Variants in KHDRBS3 observed in about 807,000 individuals in gnomAD.
The protein encoded by KHDRBS3 is KH domain-containing, RNA-binding, signal transduction-associated protein 3.
KHDRBS3 carries 23 observed loss-of-function variants against 45.6 expected under a neutral mutation model. That is an observed-to-expected ratio of 0.50 (90% CI 0.36 to 0.72). The LOEUF (loss-of-function observed/expected upper bound fraction) is 0.72. KHDRBS3 is among the 30% of genes least tolerant of loss of function. The pLI, the probability that KHDRBS3 is intolerant of heterozygous loss-of-function variation, is 0.00. For synonymous variants in KHDRBS3, 162 were observed against 156.5 expected, an observed-to-expected ratio of 1.04 and a Z score of -0.26; for missense variants, 352 against 424.8, an observed-to-expected ratio of 0.83 and a Z score of 1.51.
At chr8:135,526,476 C>A (rs1825193431) in intron 2 of KHDRBS3, among the ~76,000 whole-genome samples, 1 of 152,088 alleles carries the variant, frequency 6.6e-6, no homozygotes, top group African/African-American at 2.4e-5. Context: ...TTCTGCTTAG[C>A]ATAATGGAGC....
At chr8:135,502,267 A>C (rs367924486) in intron 1 of KHDRBS3, among the ~76,000 whole-genome samples, 5 of 152,076 alleles carry the variant, frequency 3.3e-5, no homozygotes, top group Non-Finnish European at 7.3e-5. Context: ...CAATCTGTCT[A>C]CCTTTTCACT....
intron 4 of KHDRBS3, among the ~76,000 whole-genome samples, chr8:135,551,348 G>A (rs1340291818): frequency 1.3e-5 from 2 of 152,076 alleles, no homozygotes; most frequent in East Asian, 3.9e-4. Context: ...GGAGGGGAAA[G>A]CATTCAGTCT....
intron 1 of KHDRBS3, among the ~76,000 whole-genome samples, chr8:135,492,099 A>G (rs906761815): frequency 1.2e-4 from 19 of 152,216 alleles, no homozygotes; most frequent in African/African-American, 3.9e-4. Context: ...ATACCATAGT[A>G]CTAGATAGTT....
chr8:135,506,522 G>A (rs1824003687), intron 1 of KHDRBS3, among the ~76,000 whole-genome samples: 1 of 151,356 alleles, frequency 6.6e-6, no homozygotes, highest in Non-Finnish European at 1.5e-5. Context: ...TCCTGCCTCA[G>A]CCGCCCAAGT....
Position 135,645,089 on chromosome 8 carries a change from A to G in KHDRBS3, c.921A>G (p.Gly307=). ...SGADYYDYGH[G]LSEETYDSYG... ...CTGATTACTATGATTACGGACATGG[A>G]CTCAGTGAGGAGACTTATGATTCCT... Residue 307 remains glycine (G), a synonymous_variant, in exon 8 of 9, where the codon GGA becomes GGG. Transcript: ENST00000355849. The G allele has an allele frequency of 6.2e-7, 1 of 1,613,352 alleles. No homozygotes were observed. Among genetic ancestry groups the G allele is most frequent in the African/African-American group, 1.3e-5 (1 of 74,898 alleles).
intron 7 of KHDRBS3, among the ~76,000 whole-genome samples, chr8:135,635,880 A>G (rs914162220): frequency 3.9e-5 from 6 of 152,206 alleles, no homozygotes; most frequent in Non-Finnish European, 8.8e-5. Flanking sequence ...ACATTTCATT[A>G]TGCAATATCA....
intron 5 of KHDRBS3, among the ~76,000 whole-genome samples, chr8:135,565,532 T>G (rs755385670): frequency 2.0e-5 from 3 of 152,210 alleles, no homozygotes; most frequent in Non-Finnish European, 2.9e-5. Context: ...AACTGCAGAC[T>G]GTATCTCTTG....
chr8:135,475,426 C>T (rs960296209), intron 1 of KHDRBS3, among the ~76,000 whole-genome samples: 4 of 151,740 alleles, frequency 2.6e-5, no homozygotes, highest in African/African-American at 7.3e-5. Flanking sequence ...ATTCTCCTGC[C>T]TCAGCCTCCT....
chr8:135,531,653 AGAAT>A (rs1214628346), intron 2 of KHDRBS3, among the ~76,000 whole-genome samples: 1 of 152,226 alleles, frequency 6.6e-6, no homozygotes, highest in African/African-American at 2.4e-5. Context: ...GGCACAGCAT[AGAAT>A]TTAAGGACAT....
chr8:135,559,447 G>T (rs1006498554), intron 5 of KHDRBS3, among the ~76,000 whole-genome samples: 8 of 152,138 alleles, frequency 5.3e-5, no homozygotes, highest in Non-Finnish European at 1.0e-4. Context: ...CCACCTCCCG[G>T]GTTCAAATAA....
At chr8:135,539,187 A>C (rs921820696) in intron 2 of KHDRBS3, 1 of 152,214 alleles carries the variant, frequency 6.6e-6, no homozygotes, top group Non-Finnish European at 1.5e-5. Flanking sequence ...TAGTGACCCT[A>C]GTCATTGTGA....
chr8:135,650,170 A>C (rs1014514757), downstream of KHDRBS3, among the ~76,000 whole-genome samples: 8 of 152,216 alleles, frequency 5.3e-5, no homozygotes, highest in African/African-American at 1.7e-4. Flanking sequence ...CTGGTCATAC[A>C]AAGACTGATA....
At chr8:135,584,985 G>C (rs1828394616) in intron 6 of KHDRBS3, among the ~76,000 whole-genome samples, 1 of 151,794 alleles carries the variant, frequency 6.6e-6, no homozygotes, top group Non-Finnish European at 1.5e-5. Context: ...ATTTTCAGAG[G>C]CCAAGGTGGG....
intron 1 of KHDRBS3, among the ~76,000 whole-genome samples, chr8:135,469,530 T>TTTTG (rs1563699778): frequency 2.1e-4 from 8 of 37,922 alleles, no homozygotes; most frequent in Admixed American, 5.3e-4. Context: ...TTGGTTTTTT[T>TTTTG]TTTTTTTTTT....
chr8:135,506,654 A>G (rs187402196), intron 1 of KHDRBS3, among the ~76,000 whole-genome samples: 115 of 152,198 alleles, frequency 7.6e-4, no homozygotes, highest in African/African-American at 2.4e-3. Context: ...CTCCCGCCTC[A>G]GCCTCCCAAA....
chr8:135,510,734 G>T (rs1824240714), intron 1 of KHDRBS3, among the ~76,000 whole-genome samples: 1 of 152,156 alleles, frequency 6.6e-6, no homozygotes, highest in Non-Finnish European at 1.5e-5. Context: ...CACCCGGCCA[G>T]TTGATGGTTT....
chr8:135,647,717 A>G (rs1242269392), downstream of KHDRBS3: 1 of 152,266 alleles, frequency 6.6e-6, no homozygotes, highest in Non-Finnish European at 1.5e-5. Context: ...CTTGTCATAA[A>G]AGGGTCACAC....
chr8:135,638,866 C>T (rs113000350), intron 7 of KHDRBS3, among the ~76,000 whole-genome samples: 11,438 of 151,314 alleles, frequency 0.076, 678 homozygotes, highest in African/African-American at 0.16. Context: ...ACGGCTGAGG[C>T]AGGAGAATTG....
intron 7 of KHDRBS3, among the ~76,000 whole-genome samples, chr8:135,633,374 A>C (rs923729464): frequency 6.6e-6 from 1 of 152,196 alleles, no homozygotes; most frequent in Non-Finnish European, 1.5e-5. Context: ...ATGCAGAGAT[A>C]ATTAACAACA....
Sources: allele counts gnomAD v4.1 joint callset (sites outside exome capture counted in the v4.1 genomes callset), GRCh38; gene constraint gnomAD v4.1.1; transcripts MANE v1.5; gene names NCBI Gene and HGNC (gene_info 2026-07-23, HGNC 2026-07-21).